MYH11: variants seen among roughly 807,000 people sequenced by gnomAD.
MYH11 encodes the protein myosin heavy chain 11, also known as myosin-11.
MYH11 carries 80 observed loss-of-function variants against 246.6 expected under a neutral mutation model. The ratio of observed to expected loss-of-function variants is 0.32; its 90% confidence interval spans 0.27 to 0.39. MYH11 has a LOEUF of 0.39. Among genes scored for constraint, MYH11 ranks in the 10% least tolerant of loss-of-function variants. The pLI, the probability that MYH11 is intolerant of heterozygous loss-of-function variation, is 1.00. For missense variants in MYH11, 2,158 were observed against 2,546.8 expected (o/e 0.85, Z 3.29); for synonymous variants, 1,071 against 1,015.5 (o/e 1.05, Z -1.04).
At chr16:15,710,202 A>C (rs1294736087) in intron 40 of MYH11, among the ~76,000 whole-genome samples, 2 of 152,132 alleles carry the variant, frequency 1.3e-5, no homozygotes, top group Non-Finnish European at 2.9e-5. Flanking sequence ...GGCAGAACCC[A>C]CAGGAGGTGT....
intron 8 of MYH11, among the ~76,000 whole-genome samples, chr16:15,775,278 G>A (rs1386969154): frequency 1.3e-5 from 2 of 152,188 alleles, no homozygotes; most frequent in East Asian, 3.8e-4. Context: ...GCAAACTTCT[G>A]CACACTGCCT....
chr16:15,777,411 G>A (rs1174697272), intron 7 of MYH11, among the ~76,000 whole-genome samples: 4 of 152,150 alleles, frequency 2.6e-5, no homozygotes, highest in Admixed American at 2.0e-4. Context: ...GTGAACCACC[G>A]TGCCTGGCTG....
chr16:15,815,488 A>T (rs1268416426), intron 3 of MYH11, among the ~76,000 whole-genome samples: 2 of 152,176 alleles, frequency 1.3e-5, no homozygotes, highest in Non-Finnish European at 2.9e-5. Flanking sequence ...ACCATTAAAA[A>T]CATTAAAGTG....
At chr16:15,711,653 C>T (rs890361096) in intron 40 of MYH11, among the ~76,000 whole-genome samples, 13 of 151,970 alleles carry the variant, frequency 8.6e-5, no homozygotes, top group East Asian at 3.8e-4. Flanking sequence ...ATCTAGGACC[C>T]GAGGGATAAA....
intron 20 of MYH11, among the ~76,000 whole-genome samples, chr16:15,743,574 G>C (rs1017617459): frequency 6.6e-6 from 1 of 152,154 alleles, no homozygotes; most frequent in Non-Finnish European, 1.5e-5. Flanking sequence ...CTAACTCTTT[G>C]TTTTCAAGCC....
chr16:15,748,151 C>T lies in MYH11; in HGVS notation c.2076G>A (p.Ala692=), dbSNP rs760143947. 11 of 1,613,930 alleles carry T rather than the reference C, an allele frequency of 6.8e-6. No individual in the cohort carries two copies. Among genetic ancestry groups the T allele is most frequent in the Admixed American group, 1.7e-5 (1 of 60,026 alleles). ...ACCGCAGCTGCTCCAGCACCAGGAA[C>T]GCATCCAGCTTGCCGGACTGCAAAG... The part of the protein sequence containing the change: ...NHEKRSGKLD[A]FLVLEQLRCN... The change falls in exon 17 of 41, where the codon GCG becomes GCA. Residue 692 remains alanine, a synonymous_variant. Transcript: ENST00000300036.
In MYH11 at chr16:15,719,603, G is replaced by A. The variant is rs751375975; in HGVS notation, c.5064C>T (p.Asp1688=). 30 of 1,614,050 alleles carry A rather than the reference G, an allele frequency of 1.9e-5. No individual in the cohort carries two copies. The East Asian group carries it at 6.7e-4, about 36-fold the overall frequency. ...NEKKAKSLEA[D]LMQLQEDLAA... ...GCTTTACCTCTTGTAGCTGCATGAG[G>A]TCTGCTTCCAAGCTCTTGGCTTTCT... The change falls in exon 35 of 41, where the codon GAC becomes GAT. Residue 1688 remains aspartate, a synonymous_variant. Coordinates refer to ENST00000300036, the MANE Select transcript of MYH11 (RefSeq NM_002474.3).
chr16:15,741,352 T>C, intron 22 of MYH11, 111 bp downstream of exon 22: 1 of 1,224,842 alleles, frequency 8.2e-7, no homozygotes, highest in South Asian at 1.2e-5. Flanking sequence ...CAAGCCCCCG[T>C]CTCATCATCT....
At chr16:15,763,741 T>TCGCCCCCCCCCC in intron 10 of MYH11, 55 bp downstream of exon 10, 1 of 646,860 alleles carries the variant, frequency 1.5e-6, no homozygotes, top group Non-Finnish European at 2.9e-6. Flanking sequence ...AAATGTCACC[T>TCGCCCCCCCCCC]CCCCCACCCC....
At position 15,798,684 on chromosome 16, in the gene MYH11, C is replaced by A; in HGVS notation, c.506G>T (p.Arg169Leu). ...DTAYRSMLQDREDQSILCTGE... is the reference protein window; with the variant it reads ...DTAYRSMLQDLEDQSILCTGE... Reference sequence around the variant, plus strand: ...CGTGCATAGAATGGACTGGTCCTCCCGATCTGCAAACAGAAAGAAGAAAAA... The same window carrying A: ...CGTGCATAGAATGGACTGGTCCTCCAGATCTGCAAACAGAAAGAAGAAAAA... The change falls in exon 4 of 41, where the codon CGG becomes CTG. Residue 169 changes from arginine (R) to leucine (L), a missense_variant. By Grantham distance (102) the Arg-to-Leu change is moderately radical (BLOSUM62 -2). Around this residue, in one of 11 missense-constraint regions of MYH11, gnomAD observed 123 missense variants for 207.1 expected, o/e 0.59. Transcript: ENST00000300036. 1 of 1,612,200 alleles carries A rather than the reference C, an allele frequency of 6.2e-7. No homozygotes were observed. The highest frequency in any genetic ancestry group is 1.3e-5 in the African/African-American group (1 of 74,104).
chr16:15,834,753 C>T (rs2043845805), intron 2 of MYH11, among the ~76,000 whole-genome samples: 1 of 152,002 alleles, frequency 6.6e-6, no homozygotes, highest in Non-Finnish European at 1.5e-5. Flanking sequence ...TGTCAATGTA[C>T]AGCACTTGGA....
At chr16:15,796,162 T>A in intron 4 of MYH11, among the ~76,000 whole-genome samples, 1 of 152,096 alleles carries the variant, frequency 6.6e-6, no homozygotes, top group Non-Finnish European at 1.5e-5. Context: ...CATCATACCG[T>A]CCAAGGCAGG....
Position 15,760,553 on chromosome 16 carries a change from T to C in MYH11, c.1235A>G (p.Gln412Arg). The C allele has an allele frequency of 2.5e-6, 4 of 1,611,074 alleles. No individual in the cohort carries two copies. Among genetic ancestry groups the C allele is most frequent in the Non-Finnish European group, 3.4e-6 (4 of 1,177,194 alleles). The change falls in exon 11 of 41, where the codon CAG becomes CGG. Residue 412 changes from glutamine (Q) to arginine (R), a missense_variant. Transcript: ENST00000300036. ...KVGRDVVQKA[Q>R]TKEQADFAVE... ...GTACATCATTACCTGTTCTTTTGTCTGAGCTTTCTGTACCACATCTCGCCC... is the reference window on the plus strand; with the variant it reads ...GTACATCATTACCTGTTCTTTTGTCCGAGCTTTCTGTACCACATCTCGCCC...
At chr16:15,817,245 A>C (rs1000845604) in intron 3 of MYH11, among the ~76,000 whole-genome samples, 4 of 152,170 alleles carry the variant, frequency 2.6e-5, no homozygotes, top group African/African-American at 9.7e-5. Flanking sequence ...TAATCTCAGC[A>C]CTTTGGGAGG....
chr16:15,750,283 G>A lies in MYH11; in HGVS notation c.1913C>T (p.Ser638Leu), dbSNP rs771128441. 113 of 1,613,636 alleles carry A rather than the reference G, an allele frequency of 7.0e-5. No homozygotes were observed. Among genetic ancestry groups the A allele is most frequent in the Middle Eastern group, 1.6e-4 (1 of 6,078 alleles). Reference protein sequence around the residue: ...LDQMAKMTESSLPSASKTKKG... With the variant: ...LDQMAKMTESLLPSASKTKKG... ...CTTGGTCTTGGAGGCGCTGGGCAGC[G>A]AGCTCTCCGTCATCTTGGCCATCTG... Residue 638 changes from serine (S) to leucine (L), a missense_variant, in exon 16 of 41, where the codon TCG becomes TTG. By Grantham distance (145) the Ser-to-Leu change is moderately radical. This residue lies in a region of MYH11 where 317 missense variants were observed against 507.7 expected (regional missense o/e 0.62). Transcript: ENST00000300036. This position sits in a 1 kb window ranked among gnomAD's most constrained non-coding sequence, Gnocchi z 4.3.
chr16:15,741,812 C>T lies in MYH11; in HGVS notation c.2600G>A (p.Arg867Gln), dbSNP rs773993037. ...KEDELQKTKE[R>Q]QQKAENELKE... ...AAGCTCATTCTCTGCCTTCTGCTGC[C>T]GCTCCTTGGTCTTCTGCAGTTCATC... The change falls in exon 21 of 41, where the codon CGG (arginine) becomes CAG (glutamine). Residue 867 changes from arginine to glutamine, a missense_variant. This residue lies in a region of MYH11 where 90 missense variants were observed against 144.2 expected (regional missense o/e 0.62). Transcript: ENST00000300036. 1.7e-5 allele frequency: 28 copies of T among 1,614,090 alleles called. No homozygotes were observed. Among genetic ancestry groups the T allele is most frequent in the Middle Eastern group, 1.6e-4 (1 of 6,084 alleles).
chr16:15,802,913 G>T (rs2042920353), intron 3 of MYH11, among the ~76,000 whole-genome samples: 1 of 152,094 alleles, frequency 6.6e-6, no homozygotes. Flanking sequence ...CACGTGGGTG[G>T]ATCACCTGAG....
At chr16:15,773,035 G>A (rs573215354) in intron 8 of MYH11, among the ~76,000 whole-genome samples, 12 of 152,216 alleles carry the variant, frequency 7.9e-5, no homozygotes, top group Non-Finnish European at 1.5e-4. Flanking sequence ...CACAGTAAAT[G>A]TAATACACGT....
intron 4 of MYH11, among the ~76,000 whole-genome samples, chr16:15,793,949 T>TC (rs1469082163): frequency 1.6e-4 from 20 of 125,296 alleles, no homozygotes; most frequent in African/African-American, 5.1e-4. Flanking sequence ...TCTTTTCTTT[T>TC]TTTTTTTTTT....
Sources: gnomAD v4.1 joint callset for allele counts (sites outside exome capture counted in the v4.1 genomes callset) on GRCh38, gnomAD v4.1.1 for gene constraint, gnomAD v4.1.1 regional missense constraint, Gnocchi (gnomAD v3.1) non-coding constraint, MANE v1.5 for transcripts, NCBI Gene and HGNC (gene_info 2026-07-23, HGNC 2026-07-21) for gene names.